Variants in MRTFB observed in about 807,000 individuals in gnomAD.
The protein encoded by MRTFB is myocardin-related transcription factor B.
A neutral mutation model predicts 104.2 loss-of-function variants in MRTFB; 29 were observed. The ratio of observed to expected loss-of-function variants is 0.28; its 90% CI spans 0.21 to 0.38. The LOEUF is 0.38. MRTFB is among the 10% of genes least tolerant of loss of function. The probability of loss-of-function intolerance (pLI) is 1.00; values close to 1 mark genes in which losing one functional copy is unlikely to be tolerated. For synonymous variants in MRTFB, 535 were observed against 519.5 expected (o/e 1.03, Z -0.41); for missense variants, 1,270 against 1,341.6 (o/e 0.95, Z 0.83).
the MRTFB span, among the ~76,000 whole-genome samples, chr16:14,023,604 CACACACATACATATACATATACAT>C: frequency 2.3e-5 from 3 of 131,734 alleles, no homozygotes; most frequent in African/African-American, 8.9e-5. Context: ...CACACACACA[CACACACATACATATACATATACAT>C]ATACATATAC....
chr16:14,225,854 T>G (rs2041980424), intron 8 of MRTFB, among the ~76,000 whole-genome samples: 1 of 152,188 alleles, frequency 6.6e-6, no homozygotes, highest in South Asian at 2.1e-4. Flanking sequence ...TCTTCAGACT[T>G]TCTTGTCAGG....
the MRTFB span, among the ~76,000 whole-genome samples, chr16:14,000,428 C>A: frequency 6.6e-6 from 1 of 152,250 alleles, no homozygotes; most frequent in African/African-American, 2.4e-5. Context: ...ACATCTGATG[C>A]TCCAGGAGCT....
Position 14,260,930 on chromosome 16 carries a change from A to C in MRTFB, c.2786A>C (p.Glu929Ala), listed in dbSNP as rs771664913. The C allele has an allele frequency of 1.2e-6, 2 of 1,607,246 alleles. No homozygotes were observed. Among genetic ancestry groups the C allele is most frequent in the Non-Finnish European group, 1.7e-6 (2 of 1,175,798 alleles). The change falls in exon 17 of 17, where the codon GAA (glutamate) becomes GCA (alanine). Residue 929 changes from glutamate (E) to alanine (A), a missense_variant. Transcript: ENST00000571589. ...ACAGAGATCTCCCTCCCCATAAAAG[A>C]AGAACCTTCTCCTATTTCCAAAATG... ...KSGEISLPIK[E>A]EPSPISKMRP...
intron 2 of MRTFB, among the ~76,000 whole-genome samples, chr16:14,081,291 C>CTTTTTTT (rs995694902): frequency 8.2e-6 from 1 of 121,506 alleles, no homozygotes; most frequent in Non-Finnish European, 1.7e-5. Context: ...CGTATGCTGC[C>CTTTTTTT]TTTTTTTTTT....
chr16:14,145,826 A>G (rs8059531), intron 3 of MRTFB, among the ~76,000 whole-genome samples: 27,931 of 152,268 alleles, frequency 0.18, 5,382 homozygotes, highest in African/African-American at 0.47. Flanking sequence ...AAAGGAAACC[A>G]GTCAAAGGAA....
chr16:14,099,370 TTTTTTTGGTGGG>T (rs1342945754), intron 2 of MRTFB, among the ~76,000 whole-genome samples: 1 of 147,944 alleles, frequency 6.8e-6, no homozygotes, highest in African/African-American at 2.6e-5. Flanking sequence ...ATTACGTGGG[TTTTTTTGGTGGG>T]TTTTTTTTTT....
chr16:14,200,284 C>G, intron 3 of MRTFB: 1 of 1,572,640 alleles, frequency 6.4e-7, no homozygotes, highest in Non-Finnish European at 8.7e-7. Flanking sequence ...GAGCTAGATT[C>G]TGAGTTCCGA....
the MRTFB span, among the ~76,000 whole-genome samples, chr16:14,023,580 TAC>T: frequency 9.2e-3 from 862 of 93,652 alleles, 8 homozygotes; most frequent in African/African-American, 0.026. Context: ...CAAGGGCAGA[TAC>T]ACACACACAC....
chr16:14,154,308 C>T (rs1257572715), intron 3 of MRTFB, among the ~76,000 whole-genome samples: 3 of 152,126 alleles, frequency 2.0e-5, no homozygotes, highest in African/African-American at 7.2e-5. Context: ...GCACTCTAGC[C>T]TGGTGACAGA....
chr16:14,243,156 T>C (rs1195751485), intron 10 of MRTFB, among the ~76,000 whole-genome samples: 1 of 152,236 alleles, frequency 6.6e-6, no homozygotes, highest in African/African-American at 2.4e-5. Context: ...GATTTTACAG[T>C]TGAATTTTTA....
At chr16:14,094,298 T>C (rs1216438232) in intron 2 of MRTFB, among the ~76,000 whole-genome samples, 1 of 152,218 alleles carries the variant, frequency 6.6e-6, no homozygotes, top group African/African-American at 2.4e-5. Flanking sequence ...CATTAAATAA[T>C]CTCTATCTAG....
intron 8 of MRTFB, 133 bp downstream of exon 8, chr16:14,219,131 C>CA: frequency 1.2e-6 from 1 of 844,384 alleles, no homozygotes; most frequent in Non-Finnish European, 1.7e-6. Flanking sequence ...AAAAAGCAGG[C>CA]ACTTAACTGC....
the MRTFB span, among the ~76,000 whole-genome samples, chr16:13,997,757 C>T: frequency 2.0e-4 from 29 of 145,200 alleles, no homozygotes; most frequent in Non-Finnish European, 1.0e-4. Context: ...TGCACCACTG[C>T]GCTCCAGCCT....
chr16:14,114,645 C>G (rs1444919887), intron 2 of MRTFB, among the ~76,000 whole-genome samples: 2 of 152,292 alleles, frequency 1.3e-5, no homozygotes, highest in African/African-American at 4.8e-5. Context: ...TGCTTCAGTT[C>G]AGTTTCTTCC....
intron 15 of MRTFB, among the ~76,000 whole-genome samples, chr16:14,254,074 G>A (rs1293480348): frequency 6.6e-6 from 1 of 152,200 alleles, no homozygotes; most frequent in Non-Finnish European, 1.5e-5. Context: ...TAAGACAGCT[G>A]ATTGGAATCT....
intron 2 of MRTFB, among the ~76,000 whole-genome samples, chr16:14,104,603 C>A (rs545599196): frequency 6.6e-6 from 1 of 152,264 alleles, no homozygotes; most frequent in African/African-American, 2.4e-5. Context: ...ACAAAAAGTA[C>A]CCCATTTGTC....
chr16:14,114,862 G>A (rs187080614), intron 2 of MRTFB, among the ~76,000 whole-genome samples: 12 of 152,150 alleles, frequency 7.9e-5, no homozygotes, highest in African/African-American at 2.4e-4. Flanking sequence ...AACTTCCAAG[G>A]GGCTATCTGG....
At chr16:14,234,117 G>A (rs1567198173) in intron 8 of MRTFB, 29 bp from the exon 9 acceptor site, 7 of 1,605,434 alleles carry the variant, frequency 4.4e-6, no homozygotes, top group Non-Finnish European at 5.1e-6. Context: ...TAATTTCACA[G>A]ACTTGTTCCT....
intron 8 of MRTFB, among the ~76,000 whole-genome samples, chr16:14,224,967 A>C (rs1048133641): frequency 1.3e-5 from 2 of 152,146 alleles, no homozygotes; most frequent in Non-Finnish European, 2.9e-5. Flanking sequence ...CGAGCGGATC[A>C]CCTGAGGTCG....
Sources: gnomAD v4.1 joint callset for allele counts (sites outside exome capture counted in the v4.1 genomes callset) on GRCh38, gnomAD v4.1.1 for gene constraint, MANE v1.5 for transcripts, NCBI Gene and HGNC (gene_info 2026-07-23, HGNC 2026-07-21) for gene names.